Variants in STOX1 observed in about 807,000 individuals in gnomAD.
STOX1 encodes the protein storkhead box 1.
Under a neutral mutation model 74.8 loss-of-function variants are expected in STOX1, and 57 were observed. The ratio of observed to expected loss-of-function variants is 0.76; its 90% CI spans 0.62 to 0.95. STOX1 has a LOEUF of 0.95. STOX1 is among the 40% of genes least tolerant of loss of function. The pLI, the probability that STOX1 is intolerant of heterozygous loss-of-function variation, is 0.00. For missense variants in STOX1, 1,010 were observed against 1,117.0 expected, an observed-to-expected ratio of 0.90 and a Z score of 1.37; for synonymous variants, 375 against 401.3, an observed-to-expected ratio of 0.93 and a Z score of 0.78.
intron 1 of STOX1, among the ~76,000 whole-genome samples, chr10:68,853,299 A>G (rs1023640453): frequency 6.6e-6 from 1 of 152,130 alleles, no homozygotes; most frequent in Admixed American, 6.6e-5. Flanking sequence ...GCACTTATTC[A>G]GCTATTGCCT....
At chr10:68,876,316 C>G (rs1371308330) in intron 1 of STOX1, among the ~76,000 whole-genome samples, 2 of 151,832 alleles carry the variant, frequency 1.3e-5, no homozygotes, top group Non-Finnish European at 2.9e-5. Context: ...GCCACCACAC[C>G]CAGCTAATTT....
chr10:68,865,265 T>G (rs968114021), intron 1 of STOX1, among the ~76,000 whole-genome samples: 1 of 152,228 alleles, frequency 6.6e-6, no homozygotes, highest in Non-Finnish European at 1.5e-5. Context: ...TGCAGGTTGT[T>G]TACCGCAGGA....
chr10:68,839,290 A>G (rs1436932645), intron 1 of STOX1, among the ~76,000 whole-genome samples: 6 of 152,154 alleles, frequency 3.9e-5, no homozygotes, highest in Non-Finnish European at 8.8e-5. Context: ...CAGTGCAATG[A>G]CAGCTCACTG....
In STOX1 at chr10:68,886,301, A is replaced by G; in HGVS notation, c.2505A>G (p.Glu835=). 5 of 1,614,194 alleles carry G rather than the reference A, an allele frequency of 3.1e-6. No individual in the cohort carries two copies. Among genetic ancestry groups the G allele is most frequent in the Non-Finnish European group, 2.5e-6 (3 of 1,180,036 alleles). ...GGGCCCAGTTTGGTTTTAACTACGA[A>G]GAAGAACCCAGTGTTGCTAAATGTG... ...NSGAQFGFNY[E]EEPSVAKCVQ... The change falls in exon 3 of 4, where the codon GAA becomes GAG. Residue 835 remains glutamate, a synonymous_variant. Transcript: ENST00000298596.
chr10:68,848,513 A>G (rs1467668624), intron 1 of STOX1, among the ~76,000 whole-genome samples: 1 of 152,162 alleles, frequency 6.6e-6, no homozygotes, highest in South Asian at 2.1e-4. Flanking sequence ...AGTTTGCTTA[A>G]CCTTTCATGC....
intron 1 of STOX1, among the ~76,000 whole-genome samples, chr10:68,880,959 A>T (rs1390179283): frequency 6.6e-6 from 1 of 152,080 alleles, no homozygotes; most frequent in Non-Finnish European, 1.5e-5. Flanking sequence ...CTCCCAAAAT[A>T]CTGGGATTAC....
Position 68,827,579 on chromosome 10 carries a change from C to G in STOX1, c.-45C>G. The G allele has an allele frequency of 1.8e-6, 2 of 1,109,282 alleles. No homozygotes were observed. Among genetic ancestry groups the G allele is most frequent in the Non-Finnish European group, 2.2e-6 (2 of 907,974 alleles). The allele number at this position is 1,109,282 out of a possible 1,614,324, so 68.7% of individuals were successfully genotyped here. On this transcript the variant is annotated 5_prime_UTR_variant, in exon 1 of 4. Coordinates refer to ENST00000298596, the MANE Select transcript of STOX1 (RefSeq NM_152709.5). ...AGCGAGCGGCGTCGTAGCCGCCGCG[C>G]TCGCCGAGGCCCTGCGTTGCGGGCT...
At chr10:68,883,222 CA>C (rs56982685) in intron 2 of STOX1, among the ~76,000 whole-genome samples, 61,869 of 139,674 alleles carry the variant, frequency 0.44, 13,390 homozygotes, top group Middle Eastern at 0.52. Flanking sequence ...CTAAAAACTA[CA>C]AAAAAAAAAA....
intron 1 of STOX1, among the ~76,000 whole-genome samples, chr10:68,860,569 CAAAAAAA>C (rs11353333): frequency 3.1e-5 from 2 of 63,588 alleles, no homozygotes; most frequent in African/African-American, 1.3e-4. Context: ...GACTCTGTCT[CAAAAAAA>C]AAAAAAAAAA....
intron 1 of STOX1, among the ~76,000 whole-genome samples, chr10:68,842,843 CTG>C (rs1184077583): frequency 6.6e-6 from 1 of 151,608 alleles, no homozygotes; most frequent in African/African-American, 2.4e-5. Context: ...CTGGCCGGCT[CTG>C]TGCCATTTCT....
At chr10:68,846,568 CAT>C (rs1453863658) in intron 1 of STOX1, among the ~76,000 whole-genome samples, 3 of 152,288 alleles carry the variant, frequency 2.0e-5, no homozygotes, top group South Asian at 2.1e-4. Context: ...CAATTGACCA[CAT>C]GTGTGTGTCT....
chr10:68,893,430 T>G (rs1390650961), downstream of STOX1, among the ~76,000 whole-genome samples: 2 of 152,200 alleles, frequency 1.3e-5, no homozygotes, highest in Non-Finnish European at 2.9e-5. Flanking sequence ...ATTTCAGGCC[T>G]TCTTTGAGAT....
At chr10:68,866,897 C>T (rs988991055) in intron 1 of STOX1, among the ~76,000 whole-genome samples, 4 of 151,058 alleles carry the variant, frequency 2.6e-5, no homozygotes, top group Non-Finnish European at 5.9e-5. Flanking sequence ...ATCGGGTTTC[C>T]GTCTTTATCA....
At chr10:68,859,520 G>A (rs4746796) in intron 1 of STOX1, among the ~76,000 whole-genome samples, 98,562 of 151,920 alleles carry the variant, frequency 0.65, 32,527 homozygotes, top group East Asian at 0.9. Flanking sequence ...AATATCTATC[G>A]TGTAGCCAGC....
intron 1 of STOX1, among the ~76,000 whole-genome samples, chr10:68,830,676 T>A (rs753207614): frequency 1.3e-5 from 2 of 152,152 alleles, no homozygotes; most frequent in Non-Finnish European, 1.5e-5. Context: ...TATTCCTTTT[T>A]TTAAGCCTTG....
At chr10:68,862,167 A>T (rs1338838315) in intron 1 of STOX1, among the ~76,000 whole-genome samples, 4 of 152,108 alleles carry the variant, frequency 2.6e-5, no homozygotes, top group Non-Finnish European at 5.9e-5. Context: ...AGGCTGTGAC[A>T]GTGATCAGTC....
Position 68,892,741 on chromosome 10 carries a change from CT to C in STOX1, c.*9del, listed in dbSNP as rs1286799495. 6.2e-7 allele frequency: 1 copy of C among 1,613,176 alleles called. No individual in the cohort carries two copies. Among genetic ancestry groups the C allele is most frequent in the Non-Finnish European group, 8.5e-7 (1 of 1,179,606 alleles). ...ACTCCAGTCATAAACGTTTAATTTT[CT>C]TTTGGAAACCTACTTTTTTCTTTAT... On this transcript the variant is annotated 3_prime_UTR_variant, in exon 4 of 4. Transcript: ENST00000298596.
chr10:68,875,934 G>A (rs967303488), intron 1 of STOX1, among the ~76,000 whole-genome samples: 4 of 152,162 alleles, frequency 2.6e-5, no homozygotes. Flanking sequence ...GAAGAGCTCA[G>A]TATTTTCATT....
At position 68,884,978 on chromosome 10, in the gene STOX1, C is replaced by T. The variant is rs1333112190; in HGVS notation, c.1182C>T (p.Gly394=). ...YEEQKKYNSQ[G]TSTDMLTIGH... is the part of the protein sequence containing the mutation. The stretch of plus-strand genomic sequence containing the variant: ...AACAGAAAAAATATAATAGCCAGGG[C>T]ACTTCCACTGACATGCTGACAATCG... Residue 394 remains glycine, a synonymous_variant, in exon 3 of 4, where the codon GGC becomes GGT. Transcript: ENST00000298596. The T allele has an allele frequency of 1.2e-5, 20 of 1,613,996 alleles. No homozygotes were observed. The highest frequency in any genetic ancestry group is 2.7e-5 in the African/African-American group (2 of 74,900).
Sources: gnomAD v4.1 joint callset for allele counts (sites outside exome capture counted in the v4.1 genomes callset) on GRCh38, gnomAD v4.1.1 for gene constraint, MANE v1.5 for transcripts, NCBI Gene and HGNC (gene_info 2026-07-23, HGNC 2026-07-21) for gene names.